Variants in LRRIQ3 observed in about 807,000 individuals in gnomAD.
LRRIQ3 encodes leucine rich repeats and IQ motif containing 3.
LRRIQ3 carries 75 observed loss-of-function variants against 59.3 expected under a neutral mutation model. That is an observed-to-expected ratio of 1.26 (90% CI 1.05 to 1.53). The LOEUF (loss-of-function observed/expected upper bound fraction) is 1.53. Among genes scored for constraint, LRRIQ3 ranks in the 40% most tolerant of loss-of-function variants. The pLI is 0.00. For missense variants in LRRIQ3, 831 were observed against 710.0 expected (o/e 1.17, Z -1.94); for synonymous variants, 250 against 231.3 (o/e 1.08, Z -0.73).
intron 7 of LRRIQ3, among the ~76,000 whole-genome samples, chr1:74,032,411 G>A (rs1420334923): frequency 6.6e-6 from 1 of 151,912 alleles, no homozygotes; most frequent in Admixed American, 6.6e-5. Flanking sequence ...TTCTGCTTAG[G>A]TCTCACAAGG....
chr1:74,152,693 T>TA (rs1256019609), intron 4 of LRRIQ3, among the ~76,000 whole-genome samples: 1 of 152,168 alleles, frequency 6.6e-6, no homozygotes, highest in Non-Finnish European at 1.5e-5. Context: ...GACACCCCAA[T>TA]AGCAATGAAT....
chr1:74,104,224 G>A (rs577384591), intron 5 of LRRIQ3, among the ~76,000 whole-genome samples: 2 of 152,136 alleles, frequency 1.3e-5, no homozygotes, highest in South Asian at 4.1e-4. Flanking sequence ...ACCAAAAGCT[G>A]ATGAGGTCTT....
At chr1:74,182,030 TG>T (rs1456962438) in intron 3 of LRRIQ3, 1 of 151,882 alleles carries the variant, frequency 6.6e-6, no homozygotes, top group African/African-American at 2.4e-5. Context: ...CGTTTCCTTA[TG>T]TTTTTGTAAA....
chr1:74,134,678 C>CTATT (rs1647090180), intron 4 of LRRIQ3, among the ~76,000 whole-genome samples: 1 of 151,400 alleles, frequency 6.6e-6, no homozygotes, highest in South Asian at 2.1e-4. Flanking sequence ...AATAAAGGTA[C>CTATT]TATTAATTTG....
chr1:74,114,845 AAAG>A (rs1356697531), intron 4 of LRRIQ3, among the ~76,000 whole-genome samples: 3 of 152,020 alleles, frequency 2.0e-5, no homozygotes, highest in African/African-American at 7.2e-5. Context: ...AAAAGCTGTA[AAAG>A]AAGAGAGGAA....
chr1:74,047,266 A>G (rs1395663611), intron 6 of LRRIQ3, among the ~76,000 whole-genome samples: 1 of 152,192 alleles, frequency 6.6e-6, no homozygotes, highest in African/African-American at 2.4e-5. Flanking sequence ...GCAGCCATAA[A>G]AAAGGATGAG....
chr1:74,155,116 A>G (rs145820159), intron 4 of LRRIQ3, among the ~76,000 whole-genome samples: 2 of 152,276 alleles, frequency 1.3e-5, no homozygotes, highest in Admixed American at 6.5e-5. Flanking sequence ...TCTATATTTC[A>G]GGGCCAAATT....
At chr1:74,038,516 T>C (rs912484869) in intron 7 of LRRIQ3, among the ~76,000 whole-genome samples, 1 of 152,154 alleles carries the variant, frequency 6.6e-6, no homozygotes, top group African/African-American at 2.4e-5. Flanking sequence ...TGGGTGAGAC[T>C]CTTAAACAGG....
intron 6 of LRRIQ3, among the ~76,000 whole-genome samples, chr1:74,046,060 T>C (rs2211208): frequency 1 from 151,934 of 152,322 alleles, 75,775 homozygotes; most frequent in Non-Finnish European, 1. Context: ...TTAATGCTAT[T>C]CCGATCAGGC....
At chr1:74,192,785 A>G (rs1017382194) in intron 1 of LRRIQ3, among the ~76,000 whole-genome samples, 3 of 152,194 alleles carry the variant, frequency 2.0e-5, no homozygotes, top group Non-Finnish European at 4.4e-5. Flanking sequence ...TTCTATATTC[A>G]GAATATAACG....
At chr1:74,164,440 A>C (rs1005722643) in intron 3 of LRRIQ3, among the ~76,000 whole-genome samples, 2 of 151,526 alleles carry the variant, frequency 1.3e-5, no homozygotes, top group African/African-American at 4.8e-5. Flanking sequence ...CCAATGAGAG[A>C]GTCTTCAGAA....
At chr1:74,098,627 A>T (rs1646484782) in intron 5 of LRRIQ3, among the ~76,000 whole-genome samples, 1 of 152,198 alleles carries the variant, frequency 6.6e-6, no homozygotes, top group Non-Finnish European at 1.5e-5. Context: ...CATCTCACTT[A>T]TTCCAAAATT....
intron 4 of LRRIQ3, among the ~76,000 whole-genome samples, chr1:74,131,868 T>C (rs112203698): frequency 5.9e-5 from 9 of 152,302 alleles, no homozygotes; most frequent in African/African-American, 2.2e-4. Context: ...TGTTGGAAGT[T>C]CTGGCCAAAG....
rs538360635 is a variant in LRRIQ3, at chr1:74,154,796, A to C, written c.707+937T>G. Among the ~76,000 whole-genome samples the C allele has an allele frequency of 4.6e-5, 7 of 152,310 alleles. No individual in the cohort carries two copies. In the East Asian group the frequency reaches 1.3e-3, roughly 29 times the overall value. On this transcript the variant is annotated intron_variant, in intron 4 of 7. Coordinates refer to ENST00000354431, the MANE Select transcript of LRRIQ3 (RefSeq NM_001105659.2). ...GCACCTCCTTTACTCAGGTAATTTG[A>C]CTTGTCTCCAATGTGAGATTATGTT...
chr1:74,047,529 C>T (rs1222196610), intron 6 of LRRIQ3, among the ~76,000 whole-genome samples: 1 of 151,824 alleles, frequency 6.6e-6, no homozygotes, highest in Non-Finnish European at 1.5e-5. Context: ...CACCATGGCA[C>T]GTGTATACCT....
At chr1:74,092,796 T>A (rs2100520128) in intron 5 of LRRIQ3, among the ~76,000 whole-genome samples, 1 of 152,100 alleles carries the variant, frequency 6.6e-6, no homozygotes, top group East Asian at 1.9e-4. Context: ...AAAACCAACA[T>A]CTCGTTCCTC....
chr1:74,175,752 A>G (rs1487523744), intron 3 of LRRIQ3, among the ~76,000 whole-genome samples: 1 of 152,126 alleles, frequency 6.6e-6, no homozygotes, highest in African/African-American at 2.4e-5. Flanking sequence ...TCTTGCTGAC[A>G]TCACACTCCT....
intron 6 of LRRIQ3, among the ~76,000 whole-genome samples, chr1:74,061,288 C>T (rs1016420430): frequency 6.6e-6 from 1 of 152,078 alleles, no homozygotes; most frequent in South Asian, 2.1e-4. Context: ...AGAAATGACA[C>T]AAACAAATGG....
At chr1:74,181,232 T>A (rs1293338970) in intron 3 of LRRIQ3, 1 of 154,522 alleles carries the variant, frequency 6.5e-6, no homozygotes, top group Non-Finnish European at 1.4e-5. Flanking sequence ...CCTAATCACA[T>A]CATTTTGAAC....
Sources: allele counts gnomAD v4.1 joint callset (sites outside exome capture counted in the v4.1 genomes callset), GRCh38; gene constraint gnomAD v4.1.1; transcripts MANE v1.5; gene names NCBI Gene and HGNC (gene_info 2026-07-23, HGNC 2026-07-21).